The following LDAH variants were observed in gnomAD, a reference collection of about 807,000 sequenced individuals.
LDAH encodes lipid droplet associated hydrolase.
Under a neutral mutation model 29.6 loss-of-function variants are expected in LDAH, and 26 were observed. The ratio of observed to expected loss-of-function variants is 0.88; its 90% CI spans 0.64 to 1.22. The LOEUF (loss-of-function observed/expected upper bound fraction) is 1.22. Ranked by LOEUF, LDAH falls within the 50% of genes most tolerant of loss-of-function variation. The pLI, the probability that LDAH is intolerant of heterozygous loss-of-function variation, is 0.00. For missense variants in LDAH, 344 were observed against 387.3 expected, an observed-to-expected ratio of 0.89 and a Z score of 0.94; for synonymous variants, 117 against 133.0, an observed-to-expected ratio of 0.88 and a Z score of 0.83.
At chr2:20,785,229 A>T (rs1024429632) in intron 3 of LDAH, among the ~76,000 whole-genome samples, 6 of 152,118 alleles carry the variant, frequency 3.9e-5, no homozygotes, top group Non-Finnish European at 5.9e-5. Flanking sequence ...TTTCTTGCAT[A>T]GGATGTTTCC....
At chr2:20,742,479 G>C (rs868118934) in intron 4 of LDAH, among the ~76,000 whole-genome samples, 15 of 152,178 alleles carry the variant, frequency 9.9e-5, no homozygotes, top group African/African-American at 3.1e-4. Context: ...TTGATGCTTT[G>C]CTGCTAGGCA....
chr2:20,818,618 C>G (rs1422914609), intron 1 of LDAH, among the ~76,000 whole-genome samples: 1 of 150,738 alleles, frequency 6.6e-6, no homozygotes, highest in Non-Finnish European at 1.5e-5. Context: ...CTCTTCCTTT[C>G]TCATCAGACC....
chr2:20,768,704 C>T (rs1390855721), intron 4 of LDAH, among the ~76,000 whole-genome samples: 1 of 152,186 alleles, frequency 6.6e-6, no homozygotes, highest in Non-Finnish European at 1.5e-5. Context: ...AGCAACACCC[C>T]AAAGATCCTG....
intron 5 of LDAH, among the ~76,000 whole-genome samples, chr2:20,734,058 A>T (rs1432572894): frequency 6.6e-6 from 1 of 152,186 alleles, no homozygotes; most frequent in Non-Finnish European, 1.5e-5. Context: ...AGTGTTCTAC[A>T]AATGTCTATT....
chr2:20,693,955 T>C (rs1267625625), intron 6 of LDAH, among the ~76,000 whole-genome samples: 1 of 152,258 alleles, frequency 6.6e-6, no homozygotes, highest in African/African-American at 2.4e-5. Flanking sequence ...TTCTTGGCCT[T>C]TCTTCCAGAG....
chr2:20,782,065 AG>A (rs1670231171), intron 3 of LDAH, among the ~76,000 whole-genome samples: 1 of 152,228 alleles, frequency 6.6e-6, no homozygotes, highest in African/African-American at 2.4e-5. Context: ...TTTCCGTATC[AG>A]TGTTTATTGT....
chr2:20,700,312 A>G (rs1161013593), intron 6 of LDAH, among the ~76,000 whole-genome samples: 1 of 152,192 alleles, frequency 6.6e-6, no homozygotes, highest in East Asian at 1.9e-4. Context: ...CAGAAATATG[A>G]TGACCACTAT....
chr2:20,768,996 T>G (rs1445047998), intron 4 of LDAH, among the ~76,000 whole-genome samples: 4 of 152,146 alleles, frequency 2.6e-5, no homozygotes, highest in Non-Finnish European at 5.9e-5. Context: ...AATGAGCCCA[T>G]GCTCCCTAGC....
intron 5 of LDAH, among the ~76,000 whole-genome samples, chr2:20,701,970 G>A (rs1252295854): frequency 2.0e-5 from 3 of 151,954 alleles, no homozygotes; most frequent in African/African-American, 2.4e-5. Flanking sequence ...GTGCTATTTC[G>A]ATTTAAGGCT....
intron 5 of LDAH, among the ~76,000 whole-genome samples, chr2:20,736,377 G>T (rs1666786395): frequency 6.6e-6 from 1 of 152,100 alleles, no homozygotes; most frequent in Non-Finnish European, 1.5e-5. Flanking sequence ...AGGAGGCGGA[G>T]GTTGCAGTGA....
At chr2:20,729,869 C>T (rs188982679) in intron 5 of LDAH, among the ~76,000 whole-genome samples, 241 of 152,252 alleles carry the variant, frequency 1.6e-3, no homozygotes, top group Non-Finnish European at 2.8e-3. Context: ...AATCACAGCT[C>T]GCTGTAACCT....
chr2:20,809,899 G>T (rs1672357225), intron 1 of LDAH, among the ~76,000 whole-genome samples: 1 of 152,166 alleles, frequency 6.6e-6, no homozygotes, highest in Admixed American at 6.5e-5. Context: ...TAGAAAACCA[G>T]AAATTCCACA....
At chr2:20,739,811 T>G (rs1667045227) in intron 5 of LDAH, among the ~76,000 whole-genome samples, 160 bp downstream of exon 5, 1 of 152,184 alleles carries the variant, frequency 6.6e-6, no homozygotes, top group Non-Finnish European at 1.5e-5. Context: ...AAAAATTCAT[T>G]CTATTTCTAA....
chr2:20,728,953 A>G (rs549140481), intron 5 of LDAH, among the ~76,000 whole-genome samples: 1 of 152,334 alleles, frequency 6.6e-6, no homozygotes, highest in African/African-American at 2.4e-5. Flanking sequence ...TTTGTTTGCT[A>G]GTTTGTTATT....
At chr2:20,811,080 C>T (rs1052647269) in intron 1 of LDAH, among the ~76,000 whole-genome samples, 3 of 151,288 alleles carry the variant, frequency 2.0e-5, no homozygotes, top group Admixed American at 6.6e-5. Flanking sequence ...TGCAGTGGCG[C>T]GATCTCGGCT....
chr2:20,746,743 A>C (rs557983976), intron 4 of LDAH, among the ~76,000 whole-genome samples: 27 of 152,240 alleles, frequency 1.8e-4, no homozygotes, highest in African/African-American at 6.0e-4. Context: ...TGTGTGGTGA[A>C]GGTTTCCAAA....
intron 1 of LDAH, among the ~76,000 whole-genome samples, chr2:20,813,658 A>G (rs1031111481): frequency 1.3e-5 from 2 of 152,232 alleles, no homozygotes; most frequent in Admixed American, 1.3e-4. Context: ...TTGCCAGATT[A>G]TTCTCAAAAA....
At chr2:20,754,551 GT>G (rs1487822982) in intron 4 of LDAH, among the ~76,000 whole-genome samples, 3 of 149,378 alleles carry the variant, frequency 2.0e-5, no homozygotes, top group Non-Finnish European at 4.4e-5. Context: ...AAAGCATGCA[GT>G]GGAGAAATTC....
intron 5 of LDAH, among the ~76,000 whole-genome samples, chr2:20,737,102 C>T (rs967975257): frequency 6.6e-6 from 1 of 152,088 alleles, no homozygotes; most frequent in Non-Finnish European, 1.5e-5. Flanking sequence ...TTAAAAGTCT[C>T]TACTCTTTGG....
Sources: allele counts gnomAD v4.1 joint callset (sites outside exome capture counted in the v4.1 genomes callset), GRCh38; gene constraint gnomAD v4.1.1; transcripts MANE v1.5; gene names NCBI Gene and HGNC (gene_info 2026-07-23, HGNC 2026-07-21).